TCF12: variants seen among roughly 807,000 people sequenced by gnomAD.
TCF12 encodes the protein transcription factor 12, also known as DNA-binding protein HTF4.
A neutral mutation model predicts 86.0 loss-of-function variants in TCF12; 45 were observed. The ratio of observed to expected loss-of-function variants is 0.52; its 90% confidence interval spans 0.41 to 0.67. The LOEUF (loss-of-function observed/expected upper bound fraction) is 0.67, where lower values mean the gene tolerates loss of function less well. TCF12 is among the 30% of genes least tolerant of loss of function. The probability of loss-of-function intolerance (pLI) is 0.00; values close to 1 mark genes in which losing one functional copy is unlikely to be tolerated. For synonymous variants in TCF12, 330 were observed against 299.6 expected, an observed-to-expected ratio of 1.10 and a Z score of -1.05; for missense variants, 881 against 859.9, an observed-to-expected ratio of 1.02 and a Z score of -0.31.
At chr15:57,140,382 C>A (rs2052870778) in intron 5 of TCF12, among the ~76,000 whole-genome samples, 2 of 152,148 alleles carry the variant, frequency 1.3e-5, no homozygotes, top group African/African-American at 4.8e-5. Flanking sequence ...TTCATAAAGA[C>A]AGATTATCGG....
intron 6 of TCF12, among the ~76,000 whole-genome samples, chr15:57,170,697 T>TATTATATAAAA (rs1491363606): frequency 4.7e-4 from 14 of 29,666 alleles, no homozygotes; most frequent in South Asian, 1.5e-3. Context: ...ATAATATATA[T>TATTATATAAAA]TATATATAAT....
intron 3 of TCF12, among the ~76,000 whole-genome samples, chr15:57,030,904 T>C (rs1461952965): frequency 6.6e-6 from 1 of 152,236 alleles, no homozygotes. Flanking sequence ...CTGGCTCATA[T>C]GAGATAGTTT....
intron 4 of TCF12, among the ~76,000 whole-genome samples, chr15:57,079,565 A>T (rs1489000402): frequency 6.6e-6 from 1 of 152,214 alleles, no homozygotes; most frequent in Non-Finnish European, 1.5e-5. Flanking sequence ...ACGAGTCAGT[A>T]TATCTGGACA....
chr15:57,245,971 TAGAA>T (rs1260628765), intron 13 of TCF12, among the ~76,000 whole-genome samples: 1 of 150,904 alleles, frequency 6.6e-6, no homozygotes. Flanking sequence ...AGAGATGAGA[TAGAA>T]AGAAGAAAGG....
intron 4 of TCF12, among the ~76,000 whole-genome samples, chr15:57,064,812 A>AAAAAAAAAAAAAAG (rs554263213): frequency 3.3e-4 from 41 of 123,434 alleles, no homozygotes; most frequent in African/African-American, 6.1e-4. Flanking sequence ...AAAAAAAAAA[A>AAAAAAAAAAAAAAG]AGAGAGAGAG....
intron 1 of TCF12, 159 bp downstream of exon 1, chr15:56,919,065 A>T (rs1411351817): frequency 6.6e-6 from 1 of 151,478 alleles, no homozygotes; most frequent in African/African-American, 2.4e-5. Flanking sequence ...CAAGTTGGGG[A>T]GCGGAGTGGG....
At chr15:57,010,676 T>G (rs2064774641) in intron 3 of TCF12, among the ~76,000 whole-genome samples, 2 of 152,156 alleles carry the variant, frequency 1.3e-5, no homozygotes, top group African/African-American at 4.8e-5. Context: ...TGCTGAGTAT[T>G]TAAAAACAGC....
At chr15:57,280,663 A>C (rs1156645011) in intron 19 of TCF12, among the ~76,000 whole-genome samples, 2 of 152,084 alleles carry the variant, frequency 1.3e-5, no homozygotes, top group African/African-American at 4.8e-5. Context: ...TCAGCCCAGG[A>C]GTTCAAGGCA....
At chr15:57,076,752 C>G (rs909386448) in intron 4 of TCF12, among the ~76,000 whole-genome samples, 21 of 152,086 alleles carry the variant, frequency 1.4e-4, no homozygotes, top group African/African-American at 5.1e-4. Flanking sequence ...TAGTAGCAGT[C>G]TCAAGAAATA....
chr15:57,017,308 G>A (rs2065208753), intron 3 of TCF12, among the ~76,000 whole-genome samples: 1 of 152,186 alleles, frequency 6.6e-6, no homozygotes, highest in South Asian at 2.1e-4. Context: ...AAATGTATAT[G>A]CCCTCTAGCT....
intron 12 of TCF12, among the ~76,000 whole-genome samples, chr15:57,240,085 C>T (rs2059549200): frequency 1.3e-5 from 2 of 151,980 alleles, no homozygotes; most frequent in South Asian, 2.1e-4. Context: ...AGAGATGGAC[C>T]CTAGGGACTT....
intron 4 of TCF12, chr15:57,072,668 T>C: frequency 3.1e-6 from 4 of 1,307,066 alleles, no homozygotes; most frequent in Non-Finnish European, 4.0e-6. Flanking sequence ...ATACACGAGA[T>C]GAAGCAGTTA....
At chr15:57,213,822 A>G (rs1172675646) in intron 8 of TCF12, among the ~76,000 whole-genome samples, 1 of 152,210 alleles carries the variant, frequency 6.6e-6, no homozygotes, top group Non-Finnish European at 1.5e-5. Flanking sequence ...TTGTTTGCCT[A>G]CAGTTTTGTT....
In TCF12 at chr15:57,286,395, T is replaced by C. The variant is rs1408215058; in HGVS notation, c.*250T>C. 3 of 262,600 alleles carry C rather than the reference T, an allele frequency of 1.1e-5. No homozygotes were observed. 16.3% of individuals were successfully genotyped at this position (262,600 alleles called of 1,614,324 possible). On this transcript the variant is annotated 3_prime_UTR_variant, in exon 21 of 21. Coordinates refer to ENST00000333725, the MANE Select transcript of TCF12 (RefSeq NM_207037.2). ...CATGAGATGTTTGCAACAAATCTTTTGTTGCAAGCAGTGTGTCGCTTCTGC... is the reference window on the plus strand; with the variant it reads ...CATGAGATGTTTGCAACAAATCTTTCGTTGCAAGCAGTGTGTCGCTTCTGC...
intron 13 of TCF12, chr15:57,247,901 C>A: frequency 1.3e-6 from 1 of 762,788 alleles, no homozygotes; most frequent in Admixed American, 1.7e-5. Flanking sequence ...CTTAAACTAT[C>A]ATCTGTAGTT....
At chr15:57,256,319 T>C (rs1435980502) in intron 16 of TCF12, among the ~76,000 whole-genome samples, 1 of 152,136 alleles carries the variant, frequency 6.6e-6, no homozygotes, top group Non-Finnish European at 1.5e-5. Context: ...GGGCTTCCAT[T>C]AGTACTGCTG....
At chr15:56,970,045 T>G (rs1345026405) in intron 3 of TCF12, among the ~76,000 whole-genome samples, 2 of 152,220 alleles carry the variant, frequency 1.3e-5, no homozygotes, top group Non-Finnish European at 2.9e-5. Flanking sequence ...TGAATTAGAT[T>G]TTTAAAAAAG....
chr15:56,993,037 G>A (rs962233837), intron 3 of TCF12, among the ~76,000 whole-genome samples: 10 of 152,034 alleles, frequency 6.6e-5, no homozygotes, highest in Non-Finnish European at 1.5e-4. Context: ...ATACCAGGTG[G>A]GATATGAATG....
intron 18 of TCF12, among the ~76,000 whole-genome samples, chr15:57,269,539 G>A (rs182668966): frequency 9.9e-4 from 150 of 151,942 alleles, no homozygotes; most frequent in African/African-American, 3.5e-3. Context: ...TTTAATTGGG[G>A]CACTTAGCTC....
Sources: gnomAD v4.1 joint callset for allele counts (sites outside exome capture counted in the v4.1 genomes callset) on GRCh38, gnomAD v4.1.1 for gene constraint, MANE v1.5 for transcripts, NCBI Gene and HGNC (gene_info 2026-07-23, HGNC 2026-07-21) for gene names.